Variants in NLGN1 observed in about 807,000 individuals in gnomAD.
The protein encoded by NLGN1 is neuroligin 1, also known as neuroligin-1.
A neutral mutation model predicts 65.5 loss-of-function variants in NLGN1; 12 were observed. The observed-to-expected ratio is 0.18, with a 90% CI of 0.12 to 0.30. The LOEUF (loss-of-function observed/expected upper bound fraction) is 0.30. Ranked by LOEUF, NLGN1 falls within the 10% of genes least tolerant of loss-of-function variation. The probability of loss-of-function intolerance (pLI) is 1.00; values close to 1 mark genes in which losing one functional copy is unlikely to be tolerated. For synonymous variants in NLGN1, 350 were observed against 359.5 expected, an observed-to-expected ratio of 0.97 and a Z score of 0.30; for missense variants, 750 against 1,007.1, an observed-to-expected ratio of 0.74 and a Z score of 3.46.
intron 2 of NLGN1, among the ~76,000 whole-genome samples, chr3:173,487,944 C>A (rs1173541428): frequency 6.6e-6 from 1 of 151,758 alleles, no homozygotes; most frequent in Non-Finnish European, 1.5e-5. Flanking sequence ...GGTTACTGAT[C>A]CATTTGAATT....
intron 4 of NLGN1, among the ~76,000 whole-genome samples, chr3:174,234,607 A>G (rs534008833): frequency 2.6e-5 from 4 of 152,154 alleles, no homozygotes; most frequent in South Asian, 2.1e-4. Flanking sequence ...TTTTCTATCT[A>G]TTGGGAGACT....
At chr3:174,197,359 A>G (rs1733610573) in intron 4 of NLGN1, among the ~76,000 whole-genome samples, 1 of 152,080 alleles carries the variant, frequency 6.6e-6, no homozygotes, top group Non-Finnish European at 1.5e-5. Context: ...GTCTTGGTGG[A>G]AGAGGAAAAA....
chr3:174,215,590 A>G (rs1317705276), intron 4 of NLGN1, among the ~76,000 whole-genome samples: 2 of 152,202 alleles, frequency 1.3e-5, no homozygotes, highest in East Asian at 3.8e-4. Flanking sequence ...GAGAGAAGAT[A>G]TTCGAGTGAT....
chr3:174,116,458 C>T (rs773774919), intron 4 of NLGN1, among the ~76,000 whole-genome samples: 1 of 151,090 alleles, frequency 6.6e-6, no homozygotes, highest in Non-Finnish European at 1.5e-5. Flanking sequence ...ATATCTCAGC[C>T]TCCTGAGTAG....
At chr3:174,219,633 T>C (rs539988640) in intron 4 of NLGN1, among the ~76,000 whole-genome samples, 31 of 152,266 alleles carry the variant, frequency 2.0e-4, no homozygotes, top group Admixed American at 1.9e-3. Context: ...TACAACAAAA[T>C]AGATCTATCC....
chr3:173,891,128 C>T (rs1326058632), intron 4 of NLGN1, among the ~76,000 whole-genome samples: 2 of 152,140 alleles, frequency 1.3e-5, no homozygotes, highest in Non-Finnish European at 2.9e-5. Flanking sequence ...ATACAAACCA[C>T]ATGTTTACTA....
intron 3 of NLGN1, among the ~76,000 whole-genome samples, chr3:173,804,814 G>A (rs1716280415): frequency 6.6e-6 from 1 of 152,202 alleles, no homozygotes; most frequent in African/African-American, 2.4e-5. Context: ...ATCACCTGAG[G>A]TCAGGAGTTC....
intron 1 of NLGN1, among the ~76,000 whole-genome samples, chr3:173,422,980 T>A (rs1715396706): frequency 6.6e-6 from 1 of 152,174 alleles, no homozygotes. Context: ...GACTTTATTG[T>A]CAGTCCTTTA....
At position 174,127,481 on chromosome 3, in the gene NLGN1, G is replaced by C. The variant is rs554250648; in HGVS notation, c.647-147834G>C. ...AATAGCCCCTGCATTTTTTGCATCAGGTGTAGGGCTCTGAAATAGTAATAC... is the reference window on the plus strand; with the variant it reads ...AATAGCCCCTGCATTTTTTGCATCACGTGTAGGGCTCTGAAATAGTAATAC... On this transcript the variant is annotated intron_variant, in intron 4 of 6. Transcript: ENST00000457714. 2.0e-5 allele frequency among the ~76,000 whole-genome samples: 3 copies of C among 152,024 alleles called. No individual in the cohort carries two copies. The South Asian group carries it at 6.2e-4, about 32-fold the overall frequency.
intron 4 of NLGN1, among the ~76,000 whole-genome samples, chr3:174,198,397 A>G (rs1440992680): frequency 6.6e-6 from 1 of 152,200 alleles, no homozygotes; most frequent in African/African-American, 2.4e-5. Context: ...TGTTATTACT[A>G]AATATATTGT....
intron 4 of NLGN1, among the ~76,000 whole-genome samples, chr3:174,050,586 T>G (rs1327738082): frequency 1.3e-5 from 2 of 152,100 alleles, no homozygotes; most frequent in African/African-American, 2.4e-5. Context: ...ATGTCACGTT[T>G]TGACAACTAA....
intron 2 of NLGN1, among the ~76,000 whole-genome samples, chr3:173,539,616 T>G (rs1560405587): frequency 1.4e-5 from 1 of 69,636 alleles, no homozygotes; most frequent in South Asian, 5.2e-4. Flanking sequence ...ATGTTATATA[T>G]TATATATTTA....
At chr3:173,953,192 T>C (rs1353747739) in intron 4 of NLGN1, among the ~76,000 whole-genome samples, 1 of 152,240 alleles carries the variant, frequency 6.6e-6, no homozygotes, top group African/African-American at 2.4e-5. Flanking sequence ...CAAGTAATTG[T>C]ATTTAAACAT....
At chr3:173,807,759 A>G in exon 4 of NLGN1, 1 of 1,613,814 alleles carries the variant, frequency 6.2e-7, no homozygotes, top group Non-Finnish European at 8.5e-7. Context: ...CTGGAAATTT[A>G]TATGATGGAA....
intron 4 of NLGN1, among the ~76,000 whole-genome samples, chr3:174,103,160 G>C (rs544797908): frequency 1.8e-4 from 28 of 152,280 alleles, no homozygotes; most frequent in African/African-American, 6.5e-4. Context: ...AGAAGTCATA[G>C]TGAGTAACAT....
chr3:174,232,938 A>G (rs1740996832), intron 4 of NLGN1, among the ~76,000 whole-genome samples: 1 of 152,272 alleles, frequency 6.6e-6, no homozygotes. Flanking sequence ...CACTTCTGTC[A>G]GGCTGGCCAA....
chr3:173,532,501 C>T (rs1736745833), intron 2 of NLGN1, among the ~76,000 whole-genome samples: 1 of 152,148 alleles, frequency 6.6e-6, no homozygotes, highest in Non-Finnish European at 1.5e-5. Context: ...TTACCAACTC[C>T]TTCCTATTTC....
intron 2 of NLGN1, among the ~76,000 whole-genome samples, chr3:173,538,873 G>GTT (rs34863294): frequency 0.36 from 52,278 of 145,890 alleles, 9,965 homozygotes; most frequent in East Asian, 0.69. Context: ...TATCTTCATG[G>GTT]TTTTTTTTTT....
chr3:173,714,876 T>G (rs1769585959), intron 3 of NLGN1, among the ~76,000 whole-genome samples: 1 of 151,892 alleles, frequency 6.6e-6, no homozygotes, highest in African/African-American at 2.4e-5. Context: ...TTGTCCTGAG[T>G]GTTAGGGAGG....
Sources: gnomAD v4.1 joint callset for allele counts (sites outside exome capture counted in the v4.1 genomes callset) on GRCh38, gnomAD v4.1.1 for gene constraint, MANE v1.5 for transcripts, NCBI Gene and HGNC (gene_info 2026-07-23, HGNC 2026-07-21) for gene names.